The following MS4A3 variants were observed in gnomAD, a reference collection of about 807,000 sequenced individuals.
MS4A3 encodes the protein membrane spanning 4-domains A3, also known as membrane-spanning 4-domains subfamily A member 3.
Under a neutral mutation model 24.7 loss-of-function variants are expected in MS4A3, and 18 were observed. The ratio of observed to expected loss-of-function variants is 0.73; its 90% CI spans 0.50 to 1.08. MS4A3 has a LOEUF of 1.08. Among genes scored for constraint, MS4A3 ranks in the 50% least tolerant of loss-of-function variants. MS4A3 has a pLI of 0.00. For synonymous variants in MS4A3, 84 were observed against 95.3 expected, an observed-to-expected ratio of 0.88 and a Z score of 0.69; for missense variants, 282 against 251.7, an observed-to-expected ratio of 1.12 and a Z score of -0.82.
chr11:60,061,602 C>G, intron 2 of MS4A3: 1 of 426,310 alleles, frequency 2.3e-6, no homozygotes, highest in South Asian at 2.1e-5. Flanking sequence ...TTTTTAGTTT[C>G]TCTAGCTTAT....
At position 60,070,345 on chromosome 11, in the gene MS4A3, T is replaced by C; in HGVS notation, c.*112T>C. The C allele has an allele frequency of 2.4e-6, 2 of 832,902 alleles. No individual in the cohort carries two copies. Among genetic ancestry groups the C allele is most frequent in the Non-Finnish European group, 3.9e-6 (2 of 509,294 alleles). The allele number at this position is 832,902 out of a possible 1,614,324, so 51.6% of individuals were successfully genotyped here. On this transcript the variant is annotated 3_prime_UTR_variant, in exon 7 of 7. Coordinates refer to ENST00000278865, the MANE Select transcript of MS4A3 (RefSeq NM_006138.5). Reference sequence around the variant, plus strand: ...ACATAAGCCTGCTCGTAAAGCTCAATCCTTCTATCATGGCACCAATCACAA... The same window carrying C: ...ACATAAGCCTGCTCGTAAAGCTCAACCCTTCTATCATGGCACCAATCACAA...
intron 5 of MS4A3, among the ~76,000 whole-genome samples, chr11:60,068,134 C>T (rs1855402886): frequency 6.6e-6 from 1 of 152,082 alleles, no homozygotes; most frequent in South Asian, 2.1e-4. Context: ...ACAACTTTCT[C>T]TGCAATCTGG....
At chr11:60,059,359 C>A (rs555881885) in intron 1 of MS4A3, among the ~76,000 whole-genome samples, 1 of 151,922 alleles carries the variant, frequency 6.6e-6, no homozygotes, top group African/African-American at 2.4e-5. Context: ...TAATTTGTAA[C>A]AAAGAGTAGA....
At chr11:60,062,377 C>A in intron 2 of MS4A3, 91 bp from the exon 3 acceptor site, 1 of 1,480,086 alleles carries the variant, frequency 6.8e-7, no homozygotes. Flanking sequence ...CAAGCACCGA[C>A]ATCTCCTTTC....
intron 4 of MS4A3, among the ~76,000 whole-genome samples, chr11:60,066,173 G>A (rs1315156199): frequency 1.3e-5 from 2 of 152,100 alleles, no homozygotes; most frequent in Non-Finnish European, 2.9e-5. Context: ...CTACTTTCAA[G>A]CTATTATTAT....
intron 1 of MS4A3, among the ~76,000 whole-genome samples, chr11:60,059,348 A>G (rs181641848): frequency 7.0e-4 from 106 of 152,270 alleles, no homozygotes; most frequent in African/African-American, 2.5e-3. Context: ...GATCTAGTAT[A>G]TAATTTGTAA....
intron 3 of MS4A3, 27 bp from the exon 4 acceptor site, chr11:60,064,235 T>G (rs1258312346): frequency 6.4e-7 from 1 of 1,572,026 alleles, no homozygotes; most frequent in African/African-American, 1.4e-5. Context: ...TATTCCTTTA[T>G]CTGTTTTCCT....
chr11:60,063,056 C>T (rs907463821), intron 3 of MS4A3, among the ~76,000 whole-genome samples: 15 of 152,172 alleles, frequency 9.9e-5, no homozygotes, highest in Non-Finnish European at 4.4e-5. Flanking sequence ...GCTTGGCCTC[C>T]CAAAATGCTG....
At position 60,062,594 on chromosome 11, in the gene MS4A3, G is replaced by A; in HGVS notation, c.283G>A (p.Gly95Ser). 3 of 1,613,936 alleles carry A rather than the reference G, an allele frequency of 1.9e-6. No homozygotes were observed. Among genetic ancestry groups the A allele is most frequent in the Non-Finnish European group, 2.5e-6 (3 of 1,179,946 alleles). ...FTFYTGYPIW[G>S]AVFFCSSGTL... ...CTTCTACACAGGCTACCCGATTTGG[G>A]GTGCTGTGTTTGTGAGTATTCGTAC... The change falls in exon 3 of 7, where the codon GGT becomes AGT. Residue 95 changes from glycine to serine, a missense_variant. Coordinates refer to ENST00000278865, the MANE Select transcript of MS4A3 (RefSeq NM_006138.5).
At position 60,066,690 on chromosome 11, in the gene MS4A3, C is replaced by G. The variant is rs1019021174; in HGVS notation, c.352-261C>G. Among the ~76,000 whole-genome samples, 6 of 152,106 alleles carry G rather than the reference C, an allele frequency of 3.9e-5. No homozygotes were observed. The South Asian group carries it at 1.2e-3, about 32-fold the overall frequency. On this transcript the variant is annotated intron_variant, in intron 4 of 6. Coordinates refer to ENST00000278865, the MANE Select transcript of MS4A3 (RefSeq NM_006138.5). ...TTCTCCTTATCCCATTCTGTTAGCCCCTAGTACTTAATCACTTTCAAAAAT... is the reference window on the plus strand; with the variant it reads ...TTCTCCTTATCCCATTCTGTTAGCCGCTAGTACTTAATCACTTTCAAAAAT...
At chr11:60,062,795 T>C in intron 3 of MS4A3, 190 bp downstream of exon 3, 1 of 371,502 alleles carries the variant, frequency 2.7e-6, no homozygotes, top group African/African-American at 2.1e-5. Flanking sequence ...AATTACTTAA[T>C]TAATTTATTT....
chr11:60,067,024 A>C lies in MS4A3; in HGVS notation c.425A>C (p.Asn142Thr). 7 of 1,613,450 alleles carry C rather than the reference A, an allele frequency of 4.3e-6. No homozygotes were observed. The highest frequency in any genetic ancestry group is 5.9e-6 in the Non-Finnish European group (7 of 1,179,716). ...ALVGTAFLSL[N>T]IAVNIQSLRS... Reference sequence around the variant, plus strand: ...GTGGGGACTGCTTTTCTCTCACTAAATATAGCAGTTAATATCCAGTCATTA... The same window carrying C: ...GTGGGGACTGCTTTTCTCTCACTAACTATAGCAGTTAATATCCAGTCATTA... Residue 142 changes from asparagine (N) to threonine (T), a missense_variant, in exon 5 of 7, where the codon AAT (asparagine) becomes ACT (threonine). Transcript: ENST00000278865.
At position 60,061,255 on chromosome 11, in the gene MS4A3, CT is replaced by C; in HGVS notation, c.96del (p.Val33SerfsTer5). 9 of 1,614,032 alleles carry C rather than the reference CT, an allele frequency of 5.6e-6. No homozygotes were observed. The highest frequency in any genetic ancestry group is 7.6e-6 in the Non-Finnish European group (9 of 1,179,954). On this transcript the variant is annotated frameshift_variant, in exon 2 of 7. Coordinates refer to ENST00000278865, the MANE Select transcript of MS4A3 (RefSeq NM_006138.5). LOFTEE classifies it high-confidence loss of function. Reference sequence around the variant, plus strand: ...GCGGGACCAGAAGAGCTGAATACTTCTGTCTACCAGCCCATAGATGGATCAC... The same window carrying C: ...GCGGGACCAGAAGAGCTGAATACTTCGTCTACCAGCCCATAGATGGATCAC... ...SEAGPEELNT[S>X]VYQPIDGSPD... is the part of the protein sequence containing the mutation.
At chr11:60,070,126 T>G in intron 6 of MS4A3, 78 bp from the exon 7 acceptor site, 6 of 1,236,394 alleles carry the variant, frequency 4.9e-6, no homozygotes, top group Non-Finnish European at 7.1e-6. Context: ...TTGATGATTA[T>G]GATGATAACA....
At chr11:60,069,159 T>C (rs761836691) in intron 5 of MS4A3, among the ~76,000 whole-genome samples, 1 of 152,192 alleles carries the variant, frequency 6.6e-6, no homozygotes. Context: ...TTTTAGTTTC[T>C]AGGGATAATG....
chr11:60,066,367 T>C (rs1237006067), intron 4 of MS4A3, among the ~76,000 whole-genome samples: 1 of 152,156 alleles, frequency 6.6e-6, no homozygotes, highest in African/African-American at 2.4e-5. Context: ...ATTGGCTTTG[T>C]ATTTTTCTTA....
At chr11:60,060,973 A>C in intron 1 of MS4A3, 173 bp from the exon 2 acceptor site, 1 of 506,078 alleles carries the variant, frequency 2.0e-6, no homozygotes, top group East Asian at 3.5e-5. Flanking sequence ...TACTACTCCA[A>C]GGCAAGACAG....
At chr11:60,069,769 G>T in intron 6 of MS4A3, 94 bp downstream of exon 6, 1 of 921,720 alleles carries the variant, frequency 1.1e-6, no homozygotes, top group Non-Finnish European at 1.8e-6. Flanking sequence ...AAACCTTTAT[G>T]TGGTAATGAT....
At position 60,070,200 on chromosome 11, in the gene MS4A3, C is replaced by T. The variant is rs974655873; in HGVS notation, c.616-4C>T. ...TTGGACATTAATGTTGTTTTATTTT[C>T]TAGGAAATTTCCTCACCTCCCAATT... On this transcript the variant is annotated splice_polypyrimidine_tract_variant and splice_region_variant and intron_variant, in intron 6 of 6. Transcript: ENST00000278865. 3 of 1,600,184 alleles carry T rather than the reference C, an allele frequency of 1.9e-6. No homozygotes were observed. The highest frequency in any genetic ancestry group is 3.3e-5 in the Admixed American group (2 of 59,866).
Sources: gnomAD v4.1 joint callset for allele counts (sites outside exome capture counted in the v4.1 genomes callset) on GRCh38, gnomAD v4.1.1 for gene constraint, MANE v1.5 for transcripts, NCBI Gene and HGNC (gene_info 2026-07-23, HGNC 2026-07-21) for gene names.